The following PEX7 variants were observed in gnomAD, a reference collection of about 807,000 sequenced individuals.
PEX7 encodes the protein peroxisomal biogenesis factor 7, also known as PTS2 receptor.
In PEX7, 34 loss-of-function variants were observed where a neutral mutation model predicts 47.5. The observed-to-expected ratio is 0.72, with a 90% CI of 0.54 to 0.95. The LOEUF is 0.95. Ranked by LOEUF, PEX7 falls within the 40% of genes least tolerant of loss-of-function variation. The probability of loss-of-function intolerance (pLI) is 0.00; values close to 1 mark genes in which losing one functional copy is unlikely to be tolerated. For synonymous variants in PEX7, 141 were observed against 148.8 expected, an observed-to-expected ratio of 0.95 and a Z score of 0.38; for missense variants, 394 against 400.3, an observed-to-expected ratio of 0.98 and a Z score of 0.13.
chr6:136,864,817 T>G (rs1775029068), intron 5 of PEX7, among the ~76,000 whole-genome samples: 2 of 152,224 alleles, frequency 1.3e-5, no homozygotes, highest in Non-Finnish European at 2.9e-5. Context: ...GGGCATTCTG[T>G]GTCTCCTTTA....
intron 8 of PEX7, among the ~76,000 whole-genome samples, chr6:136,891,023 C>T (rs953541196): frequency 2.6e-5 from 4 of 152,114 alleles, no homozygotes; most frequent in African/African-American, 9.7e-5. Context: ...TTTCATGATT[C>T]TTTGATTTGT....
At chr6:136,870,121 G>A (rs1775148134) in intron 7 of PEX7, 118 bp downstream of exon 7, 1 of 634,822 alleles carries the variant, frequency 1.6e-6, no homozygotes, top group Admixed American at 3.3e-5. Context: ...TTTTTTATAT[G>A]TGTTTTTGTT....
chr6:136,904,632 CTTT>C (rs772446747), intron 9 of PEX7, among the ~76,000 whole-genome samples: 11 of 129,550 alleles, frequency 8.5e-5, no homozygotes, highest in Admixed American at 7.8e-5. Context: ...CCTGCACAAG[CTTT>C]TTTTTTTTTT....
At chr6:136,875,714 G>A (rs566981521) in intron 8 of PEX7, among the ~76,000 whole-genome samples, 4 of 152,126 alleles carry the variant, frequency 2.6e-5, no homozygotes, top group Admixed American at 6.5e-5. Context: ...TCTTATTATT[G>A]GTCCACTTAG....
In PEX7 at chr6:136,908,628, C is replaced by T. The variant is rs538164843; in HGVS notation, c.904-4830C>T. Among the ~76,000 whole-genome samples, 166 of 152,110 alleles carry T rather than the reference C, an allele frequency of 1.1e-3. 1 individual carries two copies. Among genetic ancestry groups the T allele is most frequent in the Non-Finnish European group, 2.1e-3 (143 of 67,990 alleles). On this transcript the variant is annotated intron_variant, in intron 9 of 9. Transcript: ENST00000318471. ...AGCAGTAGAGCCTGGAGGCCCCTGCCCTTGAGTGTCCACATGCACACTCAT... is the reference window on the plus strand; with the variant it reads ...AGCAGTAGAGCCTGGAGGCCCCTGCTCTTGAGTGTCCACATGCACACTCAT...
At chr6:136,841,357 A>C (rs1392270084) in intron 3 of PEX7, among the ~76,000 whole-genome samples, 1 of 152,120 alleles carries the variant, frequency 6.6e-6, no homozygotes, top group African/African-American at 2.4e-5. Context: ...GTCCTCAGGC[A>C]CAAAACCTTG....
At chr6:136,824,762 T>C (rs1161779572) in intron 1 of PEX7, among the ~76,000 whole-genome samples, 4 of 152,212 alleles carry the variant, frequency 2.6e-5, no homozygotes, top group African/African-American at 9.6e-5. Context: ...TGTTTTAAAA[T>C]CCTGTGTGAG....
At chr6:136,844,841 A>G (rs1435365196) in intron 3 of PEX7, among the ~76,000 whole-genome samples, 2 of 152,246 alleles carry the variant, frequency 1.3e-5, no homozygotes, top group African/African-American at 2.4e-5. Context: ...GCTTAAGCCC[A>G]GATACTCATA....
At chr6:136,827,323 T>G (rs1385114729) in intron 3 of PEX7, among the ~76,000 whole-genome samples, 1 of 152,268 alleles carries the variant, frequency 6.6e-6, no homozygotes. Context: ...TTTTAGTTTC[T>G]ATTTTAATTA....
chr6:136,866,244 G>A (rs1168876725), intron 5 of PEX7, among the ~76,000 whole-genome samples: 1 of 151,888 alleles, frequency 6.6e-6, no homozygotes, highest in African/African-American at 2.4e-5. Flanking sequence ...CCCGCCTTTA[G>A]CAGTAAAATT....
In PEX7 at chr6:136,848,155, T is replaced by C. The variant is rs141203966; in HGVS notation, c.526+1974T>C. ...GATTTGGCTCTCTTTTTGTCTGTTA[T>C]TGGTGTATAGGAATGCTTGTGATTC... On this transcript the variant is annotated intron_variant, in intron 5 of 9. Coordinates refer to ENST00000318471, the MANE Select transcript of PEX7 (RefSeq NM_000288.4). Among the ~76,000 whole-genome samples the C allele has an allele frequency of 9.6e-3, 1,460 of 152,300 alleles. 14 individuals are homozygous for C. Among genetic ancestry groups the C allele is most frequent in the Non-Finnish European group, 0.013 (898 of 68,030 alleles).
intron 8 of PEX7, among the ~76,000 whole-genome samples, chr6:136,894,088 G>C (rs554631565): frequency 6.6e-6 from 1 of 152,180 alleles, no homozygotes; most frequent in Non-Finnish European, 1.5e-5. Flanking sequence ...CCAGCTATTT[G>C]GGAGGGTGGA....
chr6:136,898,092 T>C, intron 8 of PEX7, 50 bp from the exon 9 acceptor site: 1 of 1,087,844 alleles, frequency 9.2e-7, no homozygotes, highest in Non-Finnish European at 1.4e-6. Flanking sequence ...TAATATAAGT[T>C]TTTTGGTAGT....
intron 8 of PEX7, among the ~76,000 whole-genome samples, chr6:136,896,755 A>T (rs1016509567): frequency 5.9e-5 from 9 of 152,346 alleles, no homozygotes; most frequent in Middle Eastern, 6.8e-3. Flanking sequence ...TTTGGAACAT[A>T]GTAGCCACAT....
intron 3 of PEX7, 85 bp downstream of exon 3, chr6:136,826,554 T>C: frequency 6.7e-7 from 1 of 1,482,598 alleles, no homozygotes; most frequent in Non-Finnish European, 9.4e-7. Context: ...CATGGAGAAA[T>C]ATCTTCAGGG....
chr6:136,902,858 G>A (rs1379829361), intron 9 of PEX7, among the ~76,000 whole-genome samples: 2 of 151,968 alleles, frequency 1.3e-5, no homozygotes, highest in Non-Finnish European at 2.9e-5. Context: ...TCTTTTGGGG[G>A]CATAGTTATT....
chr6:136,913,631 C>T lies in PEX7; in HGVS notation c.*105C>T. The stretch of plus-strand genomic sequence containing the variant: ...AGACATTATGCTTTTATATGCTATT[C>T]AGATTTCAAATCTTTCCAATTTACC... On this transcript the variant is annotated 3_prime_UTR_variant, in exon 10 of 10. Transcript: ENST00000318471. The T allele has an allele frequency of 1.2e-6, 1 of 850,296 alleles. No homozygotes were observed. Among genetic ancestry groups the T allele is most frequent in the South Asian group, 1.4e-5 (1 of 73,860 alleles). 52.7% of individuals were successfully genotyped at this position (850,296 alleles called of 1,614,324 possible). A position where few individuals can be genotyped will look rare whatever the true frequency, so the allele number is the denominator to read the frequency against.
At chr6:136,876,329 G>A (rs1019776220) in intron 8 of PEX7, among the ~76,000 whole-genome samples, 6 of 152,064 alleles carry the variant, frequency 3.9e-5, no homozygotes, top group Non-Finnish European at 4.4e-5. Context: ...GAGCCACTGC[G>A]CCCGGCCGAT....
chr6:136,826,403 G>T lies in PEX7; in HGVS notation c.273G>T (p.Ser91=). 6.2e-7 allele frequency: 1 copy of T among 1,613,854 alleles called. No individual in the cohort carries two copies. ...TCATCACCTGTAGTGGCGATGGCTC[G>T]CTGCAGCTCTGGGACACTGCCAAAG... ...HVLITCSGDG[S]LQLWDTAKAA... is the part of the protein sequence containing the mutation. The change falls in exon 3 of 10, where the codon TCG becomes TCT. Residue 91 remains serine (S), a synonymous_variant. Coordinates refer to ENST00000318471, the MANE Select transcript of PEX7 (RefSeq NM_000288.4).
Sources: gnomAD v4.1 joint callset for allele counts (sites outside exome capture counted in the v4.1 genomes callset) on GRCh38, gnomAD v4.1.1 for gene constraint, MANE v1.5 for transcripts, NCBI Gene and HGNC (gene_info 2026-07-23, HGNC 2026-07-21) for gene names.